METAP1D: variants seen among roughly 807,000 people sequenced by gnomAD.
The protein encoded by METAP1D is methionyl aminopeptidase type 1D, mitochondrial.
METAP1D carries 31 observed loss-of-function variants against 40.5 expected under a neutral mutation model. The observed-to-expected ratio is 0.77, with a 90% CI of 0.58 to 1.03. The LOEUF (loss-of-function observed/expected upper bound fraction) is 1.03. METAP1D is among the 50% of genes least tolerant of loss of function. The pLI, the probability that METAP1D is intolerant of heterozygous loss-of-function variation, is 0.00. For synonymous variants in METAP1D, 151 were observed against 146.4 expected (o/e 1.03, Z -0.22); for missense variants, 411 against 420.7 (o/e 0.98, Z 0.20).
chr2:172,043,532 T>A (rs1381017749), intron 1 of METAP1D, among the ~76,000 whole-genome samples: 2 of 135,004 alleles, frequency 1.5e-5, no homozygotes, highest in African/African-American at 5.0e-5. Context: ...ATTAGACTAT[T>A]ATACTTCAAT....
In METAP1D at chr2:172,008,161, GTAGT is replaced by G. The variant is rs1372752589; in HGVS notation, c.40+8156_40+8159del. Among the ~76,000 whole-genome samples the G allele has an allele frequency of 2.6e-5, 4 of 152,034 alleles. No homozygotes were observed. The East Asian group carries it at 5.8e-4, about 22-fold the overall frequency. On this transcript the variant is annotated intron_variant, in intron 1 of 9. Transcript: ENST00000315796. ...GTTGAAGATGTTCCTCTATAAAATG[GTAGT>G]TAGATCCAAGGCCTGATTTAAGTTA...
chr2:172,014,511 C>G (rs935423710), intron 1 of METAP1D, among the ~76,000 whole-genome samples: 1 of 152,204 alleles, frequency 6.6e-6, no homozygotes, highest in Non-Finnish European at 1.5e-5. Flanking sequence ...TCATTTGATT[C>G]AGAGGCATAG....
chr2:172,044,421 A>AC lies in METAP1D; in HGVS notation c.41-17077_41-17076insC, dbSNP rs1689687126. 2.4e-5 allele frequency among the ~76,000 whole-genome samples: 3 copies of AC among 126,274 alleles called. No homozygotes were observed. In the South Asian group the frequency reaches 7.8e-4, roughly 33 times the overall value. The allele number at this position is 126,274 out of a possible 152,430, so 82.8% of individuals were successfully genotyped here. Reference sequence around the variant, plus strand: ...TAAAAATACAAAAAAAAAAAAAAAAAAAAAACCCAAAACAAACAAAAAACC... The same window carrying AC: ...TAAAAATACAAAAAAAAAAAAAAAAACAAAAACCCAAAACAAACAAAAAACC... On this transcript the variant is annotated intron_variant, in intron 1 of 9. Transcript: ENST00000315796.
At chr2:172,068,544 C>T (rs1690346364) in intron 5 of METAP1D, among the ~76,000 whole-genome samples, 1 of 149,364 alleles carries the variant, frequency 6.7e-6, no homozygotes, top group Non-Finnish European at 1.5e-5. Flanking sequence ...GACGGAGTTT[C>T]CCTCTGTTGC....
intron 6 of METAP1D, chr2:172,072,450 G>A (rs1690445415): frequency 6.0e-6 from 1 of 167,128 alleles, no homozygotes; most frequent in African/African-American, 2.4e-5. Context: ...GATTCTCTCT[G>A]AGAGGTAATT....
chr2:172,040,388 T>C (rs1351122066), intron 1 of METAP1D, among the ~76,000 whole-genome samples: 2 of 152,240 alleles, frequency 1.3e-5, no homozygotes, highest in African/African-American at 2.4e-5. Context: ...GTCCGTTTTT[T>C]TCTGTCAACT....
chr2:172,005,520 T>TTTTATATATATA lies in METAP1D; in HGVS notation c.40+5512_40+5513insTTATATATATAT, dbSNP rs1267182910. Among the ~76,000 whole-genome samples the TTTTATATATATA allele has an allele frequency of 3.7e-4, 41 of 110,940 alleles. 1 individual carries two copies. Among genetic ancestry groups the TTTTATATATATA allele is most frequent in the African/African-American group, 1.1e-3 (35 of 31,694 alleles). 72.8% of individuals were successfully genotyped at this position (110,940 alleles called of 152,430 possible). A position where few individuals can be genotyped will look rare whatever the true frequency, so the allele number is the denominator to read the frequency against. ...AGTAGTATTCCATGGTGTCTGTATT[T>TTTTATATATATA]TATATATATATATATATATATATAT... On this transcript the variant is annotated intron_variant, in intron 1 of 9. Transcript: ENST00000315796.
chr2:172,045,784 T>A (rs1364560914), intron 1 of METAP1D, among the ~76,000 whole-genome samples: 2 of 102,036 alleles, frequency 2.0e-5, no homozygotes, highest in African/African-American at 3.5e-5. Context: ...TATATGTGTA[T>A]GTATATGTAT....
chr2:172,047,341 T>G (rs895652671), intron 1 of METAP1D, among the ~76,000 whole-genome samples: 4 of 152,238 alleles, frequency 2.6e-5, no homozygotes, highest in African/African-American at 4.8e-5. Context: ...AGGTTTAAAT[T>G]CTTACAAACT....
intron 1 of METAP1D, among the ~76,000 whole-genome samples, chr2:172,014,574 TTG>T (rs1688809115): frequency 6.6e-6 from 1 of 152,178 alleles, no homozygotes; most frequent in Non-Finnish European, 1.5e-5. Context: ...GACCAAGAAG[TTG>T]GACAGTATTG....
At chr2:172,004,545 G>A (rs1410480330) in intron 1 of METAP1D, among the ~76,000 whole-genome samples, 3 of 151,982 alleles carry the variant, frequency 2.0e-5, no homozygotes, top group African/African-American at 4.8e-5. Context: ...GGCTGGTCTC[G>A]AACTCCTGAC....
Position 172,035,984 on chromosome 2 carries a change from C to A in METAP1D, c.41-25514C>A, listed in dbSNP as rs535324057. 2.0e-5 allele frequency among the ~76,000 whole-genome samples: 3 copies of A among 152,080 alleles called. No homozygotes were observed. In the South Asian group the frequency reaches 6.2e-4, roughly 32 times the overall value. On this transcript the variant is annotated intron_variant, in intron 1 of 9. Coordinates refer to ENST00000315796, the MANE Select transcript of METAP1D (RefSeq NM_199227.3). Reference sequence around the variant, plus strand: ...TTTTAAGGATCCATTTATATTGTATCTGTAGTGAATTCATTTTTTTTGCTG... The same window carrying A: ...TTTTAAGGATCCATTTATATTGTATATGTAGTGAATTCATTTTTTTTGCTG...
intron 6 of METAP1D, among the ~76,000 whole-genome samples, chr2:172,071,636 C>T (rs1690423138): frequency 6.6e-6 from 1 of 152,052 alleles, no homozygotes; most frequent in African/African-American, 2.4e-5. Flanking sequence ...GTATTCTATC[C>T]TTACTTTTTG....
chr2:172,047,599 A>T, intron 1 of METAP1D, among the ~76,000 whole-genome samples: 1 of 152,014 alleles, frequency 6.6e-6, no homozygotes, highest in Non-Finnish European at 1.5e-5. Flanking sequence ...ACGCCTGGCT[A>T]ATTTTTGTAT....
chr2:172,004,475 C>T (rs1242758650), intron 1 of METAP1D, among the ~76,000 whole-genome samples: 6 of 152,082 alleles, frequency 3.9e-5, no homozygotes, highest in South Asian at 2.1e-4. Context: ...AAGCATCCGC[C>T]GCCATGCCCG....
chr2:172,019,897 T>G (rs1406272574), intron 1 of METAP1D, among the ~76,000 whole-genome samples: 1 of 152,190 alleles, frequency 6.6e-6, no homozygotes, highest in Non-Finnish European at 1.5e-5. Flanking sequence ...ATAAGTTACT[T>G]GAACATATGG....
At chr2:172,065,851 C>T (rs1421350344) in intron 4 of METAP1D, 99 bp downstream of exon 4, 23 of 1,256,032 alleles carry the variant, frequency 1.8e-5, no homozygotes, top group Non-Finnish European at 2.5e-5. Flanking sequence ...AATTGAAACC[C>T]ACCGGTAAAC....
intron 5 of METAP1D, among the ~76,000 whole-genome samples, chr2:172,069,886 AT>A (rs1422811362): frequency 6.6e-6 from 1 of 152,218 alleles, no homozygotes; most frequent in Non-Finnish European, 1.5e-5. Flanking sequence ...ATATGAGAGC[AT>A]TTTTTAAGAA....
intron 1 of METAP1D, among the ~76,000 whole-genome samples, chr2:172,031,757 G>A: frequency 6.6e-6 from 1 of 152,170 alleles, no homozygotes; most frequent in Non-Finnish European, 1.5e-5. Context: ...TTGAGGACCT[G>A]ATTTAAACAA....
Sources: allele counts gnomAD v4.1 joint callset (sites outside exome capture counted in the v4.1 genomes callset), GRCh38; gene constraint gnomAD v4.1.1; transcripts MANE v1.5; gene names NCBI Gene and HGNC (gene_info 2026-07-23, HGNC 2026-07-21).